Variants in STAU1 observed in about 807,000 individuals in gnomAD.
STAU1 encodes the protein staufen double-stranded RNA binding protein 1, also known as double-stranded RNA-binding protein Staufen homolog 1.
STAU1 carries 13 observed loss-of-function variants against 62.9 expected under a neutral mutation model. The observed-to-expected ratio is 0.21, with a 90% CI of 0.13 to 0.33. The LOEUF is 0.33. Ranked by LOEUF, STAU1 falls within the 10% of genes least tolerant of loss-of-function variation. The pLI, the probability that STAU1 is intolerant of heterozygous loss-of-function variation, is 1.00. For synonymous variants in STAU1, 269 were observed against 265.1 expected, an observed-to-expected ratio of 1.01 and a Z score of -0.14; for missense variants, 571 against 712.1, an observed-to-expected ratio of 0.80 and a Z score of 2.25.
At chr20:49,202,219 C>CAAA in the STAU1 span, among the ~76,000 whole-genome samples, 2 of 80,318 alleles carry the variant, frequency 2.5e-5, no homozygotes, top group Middle Eastern at 6.5e-3. Flanking sequence ...GACTCCATCT[C>CAAA]AAAAAAAAAA....
intron 3 of STAU1, 79 bp downstream of exon 3, chr20:49,165,918 C>G: frequency 6.8e-7 from 1 of 1,481,432 alleles, no homozygotes; most frequent in Non-Finnish European, 9.4e-7. Context: ...TGAGAGCTCC[C>G]TAAATCTGCA....
chr20:49,191,033 A>ATT (rs3091940), upstream of STAU1, among the ~76,000 whole-genome samples: 183 of 141,982 alleles, frequency 1.3e-3, 1 homozygote, highest in South Asian at 0.011. Context: ...ATTTTTAATT[A>ATT]TTTTTTTTTT....
intron 5 of STAU1, among the ~76,000 whole-genome samples, chr20:49,140,903 T>C (rs1227993190): frequency 6.6e-6 from 1 of 151,938 alleles, no homozygotes; most frequent in Non-Finnish European, 1.5e-5. Context: ...GATTAACTCA[T>C]TTTTGTGCAC....
chr20:49,115,665 G>T, intron 13 of STAU1, 117 bp downstream of exon 13: 1 of 912,136 alleles, frequency 1.1e-6, no homozygotes, highest in Non-Finnish European at 1.8e-6. Flanking sequence ...AGGCAAAAGG[G>T]CCAGAAAGTA....
intron 3 of STAU1, among the ~76,000 whole-genome samples, chr20:49,162,880 G>T (rs182084953): frequency 1.0e-3 from 152 of 151,988 alleles, no homozygotes; most frequent in African/African-American, 3.4e-3. Flanking sequence ...TTTGTTATAA[G>T]GTAACTCTGG....
chr20:49,165,898 A>G (rs557421478), intron 3 of STAU1, 99 bp downstream of exon 3: 1 of 1,219,694 alleles, frequency 8.2e-7, no homozygotes, highest in African/African-American at 1.5e-5. Flanking sequence ...TTGCTTTTTG[A>G]AGGTAAATGT....
chr20:49,125,078 A>AAAAC (rs1447398898), intron 6 of STAU1, among the ~76,000 whole-genome samples: 1 of 150,434 alleles, frequency 6.6e-6, no homozygotes. Flanking sequence ...AAGTAAAAAA[A>AAAAC]AAAAAAAAAA....
intron 2 of STAU1, among the ~76,000 whole-genome samples, chr20:49,171,357 C>T (rs940495595): frequency 3.3e-5 from 5 of 152,210 alleles, no homozygotes; most frequent in Non-Finnish European, 4.4e-5. Flanking sequence ...TGCAGTGGCA[C>T]GATCTCAGCT....
intron 2 of STAU1, among the ~76,000 whole-genome samples, chr20:49,172,431 A>C (rs2093608978): frequency 6.6e-6 from 1 of 152,230 alleles, no homozygotes; most frequent in African/African-American, 2.4e-5. Flanking sequence ...CAAACATAGA[A>C]AACTTTTAAC....
At chr20:49,116,024 T>G (rs2092314870) in intron 12 of STAU1, among the ~76,000 whole-genome samples, 157 bp from the exon 13 acceptor site, 1 of 152,250 alleles carries the variant, frequency 6.6e-6, no homozygotes, top group African/African-American at 2.4e-5. Flanking sequence ...ATTTTTAATT[T>G]AAAATACAAA....
At chr20:49,137,174 A>G (rs917135148) in intron 5 of STAU1, among the ~76,000 whole-genome samples, 1 of 152,154 alleles carries the variant, frequency 6.6e-6, no homozygotes, top group African/African-American at 2.4e-5. Context: ...CTCTATCTCT[A>G]TAATTAAAAA....
At chr20:49,122,346 A>T (rs1422393195) in intron 8 of STAU1, among the ~76,000 whole-genome samples, 2 of 152,282 alleles carry the variant, frequency 1.3e-5, no homozygotes, top group African/African-American at 4.8e-5. Context: ...CTACTTACAA[A>T]ATTTACCTTT....
At chr20:49,132,876 A>T (rs2092782344) in intron 6 of STAU1, among the ~76,000 whole-genome samples, 1 of 152,234 alleles carries the variant, frequency 6.6e-6, no homozygotes, top group Admixed American at 6.5e-5. Flanking sequence ...TTTAATTACC[A>T]AAAACTTAAT....
chr20:49,134,792 A>C lies in STAU1; in HGVS notation c.609+1041T>G, dbSNP rs1012906747. 3.9e-6 allele frequency: 5 copies of C among 1,277,782 alleles called. No individual in the cohort carries two copies. In the African/African-American group the frequency reaches 7.3e-5, roughly 19 times the overall value. 79.2% of individuals were successfully genotyped at this position (1,277,782 alleles called of 1,614,324 possible). ...TACACTGGGAATCATTAGTTTTCCC[A>C]TTCCTGGAGAGCCTGGTTTTCCACT... is the stretch of plus-strand genomic sequence containing the variant. On this transcript the variant is annotated intron_variant, in intron 6 of 13. Coordinates refer to ENST00000371856, the MANE Select transcript of STAU1 (RefSeq NM_017453.4).
rs149017704 is a variant in STAU1, at chr20:49,125,479, A to C, written c.610-892T>G. 2.5e-3 allele frequency among the ~76,000 whole-genome samples: 377 copies of C among 150,524 alleles called. 2 individuals carry two copies. The highest frequency in any genetic ancestry group is 0.021 in the Middle Eastern group (6 of 292). ...TGAGAGACGGAGGTTGCAGTGATCC[A>C]AGATCACAAAACTGCACTCCAGCCT... On this transcript the variant is annotated intron_variant, in intron 6 of 13. Transcript: ENST00000371856.
At chr20:49,207,194 C>T in the STAU1 span, among the ~76,000 whole-genome samples, 5 of 151,954 alleles carry the variant, frequency 3.3e-5, no homozygotes, top group South Asian at 8.3e-4. Flanking sequence ...CCCCTGCCTT[C>T]CAGCCTAGGC....
intron 6 of STAU1, among the ~76,000 whole-genome samples, chr20:49,129,279 AATTTTTTTTTTTTTT>A (rs1209175825): frequency 2.0e-5 from 2 of 101,958 alleles, no homozygotes; most frequent in African/African-American, 4.4e-5. Context: ...TTTAAAAAAA[AATTTTTTTTTTTTTT>A]TTTTTTTTTT....
the STAU1 span, among the ~76,000 whole-genome samples, chr20:49,215,343 C>T: frequency 6.6e-6 from 1 of 152,214 alleles, no homozygotes. Flanking sequence ...ACTTATATCA[C>T]CTGTATGTAT....
rs2092345679 is a variant in STAU1 at position 49,117,071 on chromosome 20, G to A, written c.1632+55C>T. 2 of 1,603,780 alleles carry A rather than the reference G, an allele frequency of 1.2e-6. No homozygotes were observed. The highest frequency in any genetic ancestry group is 1.7e-5 in the Admixed American group (1 of 59,002). On this transcript the variant is annotated intron_variant, in intron 12 of 13. Transcript: ENST00000371856. This position sits in a 1 kb window ranked among gnomAD's most constrained non-coding sequence, Gnocchi z 4.6. The stretch of plus-strand genomic sequence containing the variant: ...CAGGCTAGTAACAAGCTGAACCAAG[G>A]CAGGCTCCACATAAACACACAACAC...
Sources: gnomAD v4.1 joint callset for allele counts (sites outside exome capture counted in the v4.1 genomes callset) on GRCh38, gnomAD v4.1.1 for gene constraint, Gnocchi (gnomAD v3.1) non-coding constraint, MANE v1.5 for transcripts, NCBI Gene and HGNC (gene_info 2026-07-23, HGNC 2026-07-21) for gene names.